ACADM: variants seen among roughly 807,000 people sequenced by gnomAD.
ACADM encodes medium-chain specific acyl-CoA dehydrogenase, mitochondrial.
Under a neutral mutation model 58.9 loss-of-function variants are expected in ACADM, and 49 were observed. The ratio of observed to expected loss-of-function variants is 0.83; its 90% confidence interval spans 0.66 to 1.06. The LOEUF is 1.06. Ranked by LOEUF, ACADM falls within the 50% of genes least tolerant of loss-of-function variation. ACADM has a pLI of 0.00. For missense variants in ACADM, 496 were observed against 507.0 expected, an observed-to-expected ratio of 0.98 and a Z score of 0.21; for synonymous variants, 160 against 157.7, an observed-to-expected ratio of 1.01 and a Z score of -0.11.
Position 75,724,738 on chromosome 1 carries a change from A to C in ACADM, c.-50A>C. The C allele has an allele frequency of 6.5e-7, 1 of 1,542,932 alleles. No homozygotes were observed. The highest frequency in any genetic ancestry group is 8.7e-7 in the Non-Finnish European group (1 of 1,145,070). On this transcript the variant is annotated 5_prime_UTR_variant, in exon 1 of 12. Coordinates refer to ENST00000370841, the MANE Select transcript of ACADM (RefSeq NM_000016.6). ...GAGTCCCGCGTTCGGGGAGTATGTC[A>C]AGGCCGTGACCCGTGTATTATTGTC...
In ACADM at chr1:75,724,944, C is replaced by T. The variant is rs540887454; in HGVS notation, c.30+127C>T. ...AAGTCGGGCTGAGGAAGGAGCCAGC[C>T]TAGGGGCCCCCAACCTGCTTTCACG... On this transcript the variant is annotated intron_variant, in intron 1 of 11. Transcript: ENST00000370841. 1.6e-4 allele frequency: 153 copies of T among 975,782 alleles called. 2 individuals are homozygous for T. The South Asian group carries it at 4.6e-3, about 29-fold the overall frequency. The allele number at this position is 975,782 out of a possible 1,614,324, so 60.4% of individuals were successfully genotyped here.
chr1:75,760,376 C>T (rs1557465946), intron 10 of ACADM, among the ~76,000 whole-genome samples: 2 of 145,160 alleles, frequency 1.4e-5, no homozygotes, highest in African/African-American at 2.5e-5. Context: ...GAGCCGATAA[C>T]GCACCACTTC....
intron 7 of ACADM, chr1:75,744,745 G>A (rs577396781): frequency 1.7e-4 from 120 of 726,604 alleles, no homozygotes; most frequent in Middle Eastern, 3.1e-4. Context: ...GTGGCTGAAC[G>A]CCCGGGACAC....
At chr1:75,730,928 ACTT>A (rs1272016849) in intron 2 of ACADM, among the ~76,000 whole-genome samples, 2 of 152,094 alleles carry the variant, frequency 1.3e-5, no homozygotes, top group East Asian at 1.9e-4. Flanking sequence ...TCTTAAGTAT[ACTT>A]CTGCTAATTC....
chr1:75,727,291 TC>T (rs1202830954), intron 1 of ACADM, among the ~76,000 whole-genome samples: 1 of 152,258 alleles, frequency 6.6e-6, no homozygotes, highest in Non-Finnish European at 1.5e-5. Flanking sequence ...GTTGAAATTG[TC>T]ATCTACAAAG....
In ACADM at chr1:75,729,378, C is replaced by T. The variant is rs140202630; in HGVS notation, c.118+890C>T. On this transcript the variant is annotated intron_variant, in intron 2 of 11. Transcript: ENST00000370841. ...TCTTGAACTCCTAGGCTCAAGCAGT[C>T]CTCTTATTTCAGCCTCCCAAAGTGC... is the stretch of plus-strand genomic sequence containing the variant. Among the ~76,000 whole-genome samples, 875 of 143,746 alleles carry T rather than the reference C, an allele frequency of 6.1e-3. 13 individuals carry two copies. The highest frequency in any genetic ancestry group is 0.022 in the African/African-American group (839 of 38,728). The allele number at this position is 143,746 out of a possible 152,430, so 94.3% of individuals were successfully genotyped here.
At chr1:75,734,336 T>C (rs865829589) in intron 5 of ACADM, among the ~76,000 whole-genome samples, 10,904 of 149,776 alleles carry the variant, frequency 0.073, 1,343 homozygotes, top group African/African-American at 0.25. Flanking sequence ...GCTAATTTTT[T>C]TTTTTTTTTT....
chr1:75,744,591 A>G (rs1202857261), intron 7 of ACADM: 34 of 1,301,700 alleles, frequency 2.6e-5, no homozygotes, highest in Non-Finnish European at 3.8e-5. Flanking sequence ...ATACAGTTGT[A>G]GTTCTGAAGA....
Position 75,762,677 on chromosome 1 carries a change from AT to A in ACADM, c.1195-14del, listed in dbSNP as rs1244284523. The stretch of plus-strand genomic sequence containing the variant: ...TACTAAAGATATTTAACCTACACTT[AT>A]ATTTTTCTTGCAGATTTATGAAGGT... On this transcript the variant is annotated splice_polypyrimidine_tract_variant and intron_variant, in intron 11 of 11. Transcript: ENST00000370841. 2 of 1,538,044 alleles carry A rather than the reference AT, an allele frequency of 1.3e-6. No homozygotes were observed. Among genetic ancestry groups the A allele is most frequent in the Non-Finnish European group, 1.8e-6 (2 of 1,111,472 alleles).
intron 11 of ACADM, 180 bp downstream of exon 11, chr1:75,761,550 T>A: frequency 1.4e-6 from 1 of 692,180 alleles, no homozygotes; most frequent in Non-Finnish European, 2.5e-6. Flanking sequence ...TGTGATTAAG[T>A]ATAAGTCTGA....
chr1:75,751,340 A>G (rs1009154124), intron 10 of ACADM, among the ~76,000 whole-genome samples: 1 of 151,996 alleles, frequency 6.6e-6, no homozygotes, highest in African/African-American at 2.4e-5. Context: ...ACTCCGTCTC[A>G]AAAAAGAAAA....
intron 7 of ACADM, chr1:75,743,362 G>C: frequency 6.4e-7 from 1 of 1,574,354 alleles, no homozygotes; most frequent in African/African-American, 1.3e-5. Flanking sequence ...AGGGGACAGG[G>C]AGAAGACTGG....
At chr1:75,734,292 T>C (rs1647201453) in intron 5 of ACADM, among the ~76,000 whole-genome samples, 2 of 150,460 alleles carry the variant, frequency 1.3e-5, no homozygotes, top group Non-Finnish European at 3.0e-5. Context: ...GCCTCCCAAG[T>C]AACTGGGACT....
intron 8 of ACADM, among the ~76,000 whole-genome samples, chr1:75,748,474 G>A (rs1329784378): frequency 6.6e-6 from 1 of 152,044 alleles, no homozygotes; most frequent in African/African-American, 2.4e-5. Flanking sequence ...AAAAAGGAGG[G>A]GAGTATCCGT....
chr1:75,732,639 C>A lies in ACADM; in HGVS notation c.119-5C>A. ...TTTTAACTTTTCTAAATAATTTTCC[C>A]TTAGAGTTCACCGAACAGCAGAAAG... On this transcript the variant is annotated splice_region_variant and splice_polypyrimidine_tract_variant and intron_variant, in intron 2 of 11. Coordinates refer to ENST00000370841, the MANE Select transcript of ACADM (RefSeq NM_000016.6). The A allele has an allele frequency of 1.2e-6, 2 of 1,611,804 alleles. No homozygotes were observed. The highest frequency in any genetic ancestry group is 2.2e-5 in the South Asian group (2 of 91,040).
intron 7 of ACADM, among the ~76,000 whole-genome samples, chr1:75,741,109 C>T (rs937516024): frequency 6.6e-6 from 1 of 152,188 alleles, no homozygotes; most frequent in Non-Finnish European, 1.5e-5. Flanking sequence ...ATTTACCCAT[C>T]ACTACAAGTA....
chr1:75,735,090 C>A (rs1446527687), intron 6 of ACADM, among the ~76,000 whole-genome samples: 1 of 152,040 alleles, frequency 6.6e-6, no homozygotes, highest in East Asian at 1.9e-4. Context: ...GAGGCGGAGG[C>A]GGGCAGATTA....
intron 10 of ACADM, among the ~76,000 whole-genome samples, chr1:75,760,553 A>AAAAAAAAAAG: frequency 1.3e-5 from 1 of 77,482 alleles, no homozygotes; most frequent in African/African-American, 6.3e-5. Flanking sequence ...TCAAAAAAAA[A>AAAAAAAAAAG]AAAAAAAAAA....
intron 5 of ACADM, 95 bp downstream of exon 5, chr1:75,733,723 A>C (rs1570863844): frequency 1.9e-6 from 2 of 1,049,250 alleles, no homozygotes; most frequent in African/African-American, 3.2e-5. Context: ...AAAAAAAGGA[A>C]AGTCAGTTAC....
Sources: allele counts gnomAD v4.1 joint callset (sites outside exome capture counted in the v4.1 genomes callset), GRCh38; gene constraint gnomAD v4.1.1; transcripts MANE v1.5; gene names NCBI Gene and HGNC (gene_info 2026-07-23, HGNC 2026-07-21).